Variants in NCKAP1L observed in about 807,000 individuals in gnomAD.
NCKAP1L encodes the protein NCK associated protein 1 like, also known as nck-associated protein 1-like.
Under a neutral mutation model 139.2 loss-of-function variants are expected in NCKAP1L, and 53 were observed. That is an observed-to-expected ratio of 0.38 (90% CI 0.31 to 0.48). The LOEUF is 0.48. Among genes scored for constraint, NCKAP1L ranks in the 20% least tolerant of loss-of-function variants. The pLI, the probability that NCKAP1L is intolerant of heterozygous loss-of-function variation, is 0.98. For missense variants in NCKAP1L, 1,151 were observed against 1,381.9 expected (o/e 0.83, Z 2.65); for synonymous variants, 468 against 499.7 (o/e 0.94, Z 0.85).
At chr12:54,507,060 C>T (rs762055841) in intron 3 of NCKAP1L, among the ~76,000 whole-genome samples, 5 of 151,404 alleles carry the variant, frequency 3.3e-5, no homozygotes, top group Non-Finnish European at 4.4e-5. Flanking sequence ...GGAATATTAC[C>T]TCAATTTTGT....
In NCKAP1L at chr12:54,544,328, C is replaced by T. The variant is rs1446516288; in HGVS notation, c.*1643C>T. The T allele has an allele frequency of 2.6e-5, 4 of 152,154 alleles. No homozygotes were observed. Among genetic ancestry groups the T allele is most frequent in the Non-Finnish European group, 5.9e-5 (4 of 68,026 alleles). 9.4% of individuals were successfully genotyped at this position (152,154 alleles called of 1,614,324 possible). A position where few individuals can be genotyped will look rare whatever the true frequency, so the allele number is the denominator to read the frequency against. ...CTGCTTGAGGGGATAGAGATCCCTC[C>T]TCCATCTGCATCTGCATATAGAACT... On this transcript the variant is annotated 3_prime_UTR_variant, in exon 31 of 31. Transcript: ENST00000293373.
rs1957199574 is a variant in NCKAP1L at position 54,546,604 on chromosome 12, A to G, written c.*3919A>G. Reference sequence around the variant, plus strand: ...GAGAAGAAGCTGGCACATGGCTGAAATGCACTCACGCGGTTGGGGGAAGAG... The same window carrying G: ...GAGAAGAAGCTGGCACATGGCTGAAGTGCACTCACGCGGTTGGGGGAAGAG... On this transcript the variant is annotated 3_prime_UTR_variant, in exon 31 of 31. Coordinates refer to ENST00000293373, the MANE Select transcript of NCKAP1L (RefSeq NM_005337.5). The G allele has an allele frequency of 1.3e-5, 2 of 152,182 alleles. 1 individual carries two copies. Among genetic ancestry groups the G allele is most frequent in the Non-Finnish European group, 2.9e-5 (2 of 68,062 alleles). 9.4% of individuals were successfully genotyped at this position (152,182 alleles called of 1,614,324 possible). A position where few individuals can be genotyped will look rare whatever the true frequency, so the allele number is the denominator to read the frequency against.
chr12:54,521,396 T>A (rs938096772), intron 18 of NCKAP1L, among the ~76,000 whole-genome samples, 158 bp downstream of exon 18: 1 of 152,208 alleles, frequency 6.6e-6, no homozygotes, highest in African/African-American at 2.4e-5. Flanking sequence ...CAGAATTCTT[T>A]TCTTAGTGTA....
rs1042834491 is a variant in NCKAP1L at position 54,547,208 on chromosome 12, A to G, written c.*4523A>G. 6.6e-6 allele frequency: 1 copy of G among 152,172 alleles called. No homozygotes were observed. Among genetic ancestry groups the G allele is most frequent in the African/African-American group, 2.4e-5 (1 of 41,442 alleles). The allele number at this position is 152,172 out of a possible 1,614,324, so 9.4% of individuals were successfully genotyped here. A position where few individuals can be genotyped will look rare whatever the true frequency, so the allele number is the denominator to read the frequency against. ...TGTTTAGAGACGCAGCAAGGTAGAA[A>G]TGGGATTGTATTGCAACAAGAGGAA... On this transcript the variant is annotated 3_prime_UTR_variant, in exon 31 of 31. Coordinates refer to ENST00000293373, the MANE Select transcript of NCKAP1L (RefSeq NM_005337.5).
At position 54,516,222 on chromosome 12, in the gene NCKAP1L, C is replaced by T. The variant is rs369301516; in HGVS notation, c.942-17C>T. The T allele has an allele frequency of 1.0e-4, 164 of 1,613,652 alleles. No individual in the cohort carries two copies. The highest frequency in any genetic ancestry group is 1.3e-4 in the Non-Finnish European group (154 of 1,179,798). The stretch of plus-strand genomic sequence containing the variant: ...GGGTAGCATGGTCAACCCCATTGTG[C>T]TTGTGTCAATCCTCAGGTATGGCAA... On this transcript the variant is annotated splice_polypyrimidine_tract_variant and intron_variant, in intron 9 of 30. Transcript: ENST00000293373.
chr12:54,521,073 C>G (rs568726624), intron 17 of NCKAP1L, 46 bp from the exon 18 acceptor site: 1 of 1,611,000 alleles, frequency 6.2e-7, no homozygotes, highest in African/African-American at 1.3e-5. Context: ...GAAGAAGTGG[C>G]CGTGCTGGTG....
At position 54,523,399 on chromosome 12, in the gene NCKAP1L, A is replaced by G. The variant is rs755696765; in HGVS notation, c.1884A>G (p.Leu628=). Residue 628 remains leucine (L), a synonymous_variant, in exon 19 of 31, where the codon CTA becomes CTG. Coordinates refer to ENST00000293373, the MANE Select transcript of NCKAP1L (RefSeq NM_005337.5). The part of the protein sequence containing the change: ...AEQRNLSEQL[L]PKHCATTISK... ...ACCTGTGTTTGTTTCTGAAGCTTCT[A>G]CCTAAGCACTGTGCCACTACAATCA... The G allele has an allele frequency of 6.2e-7, 1 of 1,612,788 alleles. No individual in the cohort carries two copies. Among genetic ancestry groups the G allele is most frequent in the South Asian group, 1.1e-5 (1 of 90,868 alleles).
chr12:54,498,394 G>T (rs1435660035), intron 1 of NCKAP1L, among the ~76,000 whole-genome samples: 1 of 113,432 alleles, frequency 8.8e-6, no homozygotes, highest in Non-Finnish European at 2.1e-5. Context: ...TTCATGCTGT[G>T]GTGGTTGTGT....
At chr12:54,506,796 A>AAAAAATATATATATATATATATATAT in intron 3 of NCKAP1L, among the ~76,000 whole-genome samples, 9 of 50,610 alleles carry the variant, frequency 1.8e-4, no homozygotes, top group African/African-American at 3.3e-4. Flanking sequence ...AAAAAAAAAA[A>AAAAAATATATATATATATATATATAT]ATATATATAT....
At position 54,509,957 on chromosome 12, in the gene NCKAP1L, C is replaced by G; in HGVS notation, c.707C>G (p.Ala236Gly). The change falls in exon 7 of 31, where the codon GCC becomes GGC. Residue 236 changes from alanine to glycine, a missense_variant. Ala to Gly is a moderately conservative substitution (Grantham distance 60, BLOSUM62 0). Coordinates refer to ENST00000293373, the MANE Select transcript of NCKAP1L (RefSeq NM_005337.5). The stretch of plus-strand genomic sequence containing the variant: ...CTAAGCCTCATCAGCAACCCCCCAG[C>G]CATGATTAACCCTGCTAATTCAGAT... ...QLLSLISNPP[A>G]MINPANSDTM... 1 of 1,614,222 alleles carries G rather than the reference C, an allele frequency of 6.2e-7. No homozygotes were observed. Among genetic ancestry groups the G allele is most frequent in the Admixed American group, 1.7e-5 (1 of 60,028 alleles).
At chr12:54,536,353 AG>A (rs752821597) in intron 28 of NCKAP1L, 108 bp downstream of exon 28, 2 of 852,652 alleles carry the variant, frequency 2.3e-6, no homozygotes, top group Non-Finnish European at 3.8e-6. Context: ...TTGGGTGTAA[AG>A]TTCTGTTTCA....
chr12:54,547,395 TTTTCCATCAAACTG>T lies in NCKAP1L; in HGVS notation c.*4712_*4725del. 1 of 152,168 alleles carries T rather than the reference TTTTCCATCAAACTG, an allele frequency of 6.6e-6. No individual in the cohort carries two copies. The allele number at this position is 152,168 out of a possible 1,614,324, so 9.4% of individuals were successfully genotyped here. On this transcript the variant is annotated 3_prime_UTR_variant, in exon 31 of 31. Coordinates refer to ENST00000293373, the MANE Select transcript of NCKAP1L (RefSeq NM_005337.5). Reference sequence around the variant, plus strand: ...GTTCTCATTTATTTTTATTTTTACTTTTTCCATCAAACTGTGTTGTCTATGAAGTTTTCCCATTT... The same window carrying T: ...GTTCTCATTTATTTTTATTTTTACTTTGTTGTCTATGAAGTTTTCCCATTT...
chr12:54,531,632 T>G (rs527615131), intron 24 of NCKAP1L, 48 bp downstream of exon 24: 1 of 1,607,236 alleles, frequency 6.2e-7, no homozygotes, highest in Non-Finnish European at 8.5e-7. Context: ...GGAATCACAT[T>G]GCAGATGACA....
chr12:54,506,796 A>AAAAAAAATAT lies in NCKAP1L; in HGVS notation c.307-1056_307-1055insAAAAAATATA. 6.6e-3 allele frequency among the ~76,000 whole-genome samples: 335 copies of AAAAAAAATAT among 50,598 alleles called. 3 individuals carry two copies. The highest frequency in any genetic ancestry group is 9.4e-3 in the South Asian group (8 of 848). 33.2% of individuals were successfully genotyped at this position (50,598 alleles called of 152,430 possible). A position where few individuals can be genotyped will look rare whatever the true frequency, so the allele number is the denominator to read the frequency against. The stretch of plus-strand genomic sequence containing the variant: ...TTTTGGCAACATATTAAAAAAAAAA[A>AAAAAAAATAT]ATATATATATATATATATATATATA... On this transcript the variant is annotated intron_variant, in intron 3 of 30. Transcript: ENST00000293373.
chr12:54,500,336 C>A (rs1956787774), intron 2 of NCKAP1L, among the ~76,000 whole-genome samples, 197 bp from the exon 3 acceptor site: 1 of 152,112 alleles, frequency 6.6e-6, no homozygotes, highest in African/African-American at 2.4e-5. Flanking sequence ...GTTGGCCAGG[C>A]TGGTCTTGAA....
At chr12:54,514,746 G>T (rs577075206) in intron 9 of NCKAP1L, among the ~76,000 whole-genome samples, 5 of 152,292 alleles carry the variant, frequency 3.3e-5, no homozygotes, top group Non-Finnish European at 5.9e-5. Context: ...ATTATCAAGA[G>T]CCTATAAGAA....
At chr12:54,518,111 C>T (rs535610692) in intron 13 of NCKAP1L, among the ~76,000 whole-genome samples, 173 bp downstream of exon 13, 50 of 151,936 alleles carry the variant, frequency 3.3e-4, no homozygotes, top group Non-Finnish European at 5.9e-4. Flanking sequence ...GAGGCCTAGG[C>T]GGGCAGATCA....
rs992195754 is a variant in NCKAP1L at position 54,547,708 on chromosome 12, C to T, written c.*5023C>T. 2.0e-4 allele frequency: 31 copies of T among 152,188 alleles called. No individual in the cohort carries two copies. The highest frequency in any genetic ancestry group is 7.2e-4 in the African/African-American group (30 of 41,436). 9.4% of individuals were successfully genotyped at this position (152,188 alleles called of 1,614,324 possible). A position where few individuals can be genotyped will look rare whatever the true frequency, so the allele number is the denominator to read the frequency against. ...ACTCCTTAGCTCTAATCCTAATTTA[C>T]TAATTAGAGCTCTTTAGCACCATCC... On this transcript the variant is annotated 3_prime_UTR_variant, in exon 31 of 31. Coordinates refer to ENST00000293373, the MANE Select transcript of NCKAP1L (RefSeq NM_005337.5).
chr12:54,526,001 C>T (rs760286532), intron 20 of NCKAP1L, among the ~76,000 whole-genome samples: 2 of 152,164 alleles, frequency 1.3e-5, no homozygotes, highest in Admixed American at 6.5e-5. Flanking sequence ...GCATGCCAGC[C>T]ACGCATGATC....
Sources: gnomAD v4.1 joint callset for allele counts (sites outside exome capture counted in the v4.1 genomes callset) on GRCh38, gnomAD v4.1.1 for gene constraint, MANE v1.5 for transcripts, NCBI Gene and HGNC (gene_info 2026-07-23, HGNC 2026-07-21) for gene names.